Variants in PCNX1 observed in about 807,000 individuals in gnomAD.
The protein encoded by PCNX1 is pecanex-like protein 1.
PCNX1 carries 78 observed loss-of-function variants against 242.2 expected under a neutral mutation model. The observed-to-expected ratio is 0.32, with a 90% CI of 0.27 to 0.39. The LOEUF (loss-of-function observed/expected upper bound fraction) is 0.39. Among genes scored for constraint, PCNX1 ranks in the 10% least tolerant of loss-of-function variants. The pLI is 1.00. For synonymous variants in PCNX1, 1,024 were observed against 1,032.9 expected, an observed-to-expected ratio of 0.99 and a Z score of 0.17; for missense variants, 2,581 against 2,856.5, an observed-to-expected ratio of 0.90 and a Z score of 2.20.
intron 5 of PCNX1, among the ~76,000 whole-genome samples, chr14:70,970,478 C>T (rs936806328): frequency 6.6e-6 from 1 of 152,140 alleles, no homozygotes; most frequent in Non-Finnish European, 1.5e-5. Flanking sequence ...AGATAATAAT[C>T]TCAGAGGGGT....
At chr14:71,034,069 C>T (rs1489327634) in intron 18 of PCNX1, 33 bp downstream of exon 18, 2 of 1,172,396 alleles carry the variant, frequency 1.7e-6, no homozygotes, top group Admixed American at 1.9e-5. Context: ...ACCTAAAAGA[C>T]TTAAATCTTA....
rs1566579992 is a variant in PCNX1, at chr14:70,930,579, CTA to C, written c.154-16334_154-16333del. The stretch of plus-strand genomic sequence containing the variant: ...TACAGATTTTTAAAAAAGATAATAT[CTA>C]TTATTTTTAATTCTATTTATATTAA... On this transcript the variant is annotated intron_variant, in intron 1 of 35. Transcript: ENST00000304743. Among the ~76,000 whole-genome samples the C allele has an allele frequency of 2.6e-5, 4 of 152,078 alleles. No individual in the cohort carries two copies. In the East Asian group the frequency reaches 7.7e-4, roughly 29 times the overall value.
chr14:70,988,521 A>G (rs1300147994), intron 6 of PCNX1, 46 bp from the exon 7 acceptor site: 1 of 1,592,472 alleles, frequency 6.3e-7, no homozygotes, highest in Admixed American at 1.7e-5. Flanking sequence ...TGCTATTTAC[A>G]TCTCTGACCT....
intron 2 of PCNX1, among the ~76,000 whole-genome samples, chr14:70,947,585 C>A (rs1464440721): frequency 6.6e-6 from 1 of 152,108 alleles, no homozygotes; most frequent in Non-Finnish European, 1.5e-5. Context: ...TATGCCTGTC[C>A]TTTAATCTCT....
At chr14:71,041,780 C>CTACTATACTATACTATACTA (rs71105759) in intron 19 of PCNX1, among the ~76,000 whole-genome samples, 317 of 149,282 alleles carry the variant, frequency 2.1e-3, no homozygotes, top group Admixed American at 3.0e-3. Context: ...GCATTTATTG[C>CTACTATACTATACTATACTA]TACTATACTA....
rs1425019641 is a variant in PCNX1, at chr14:71,111,068, C to G, written c.*1133C>G. On this transcript the variant is annotated 3_prime_UTR_variant, in exon 36 of 36. Transcript: ENST00000304743. ...TTTAATAATTTTGCTTTTTATTTTT[C>G]CCCTCTTCTTTTTCTGTTACTTGAA... The G allele has an allele frequency of 2.6e-5, 4 of 152,108 alleles. No individual in the cohort carries two copies. Among genetic ancestry groups the G allele is most frequent in the Non-Finnish European group, 5.9e-5 (4 of 67,920 alleles). The allele number at this position is 152,108 out of a possible 1,614,324, so 9.4% of individuals were successfully genotyped here.
At position 71,045,290 on chromosome 14, in the gene PCNX1, A is replaced by G. The variant is rs199811431; in HGVS notation, c.4018+7A>G. 8.2e-5 allele frequency: 130 copies of G among 1,589,398 alleles called. No individual in the cohort carries two copies. Among genetic ancestry groups the G allele is most frequent in the Non-Finnish European group, 1.1e-4 (125 of 1,167,258 alleles). On this transcript the variant is annotated splice_region_variant and intron_variant, in intron 20 of 35. Coordinates refer to ENST00000304743, the MANE Select transcript of PCNX1 (RefSeq NM_014982.3). ...AATCAGTATGAAGTTCGAAGTAAGT[A>G]TTTCATTAGCACTTTTTCTTTTTAA...
At position 71,057,598 on chromosome 14, in the gene PCNX1, C is replaced by T. The variant is rs1365330651; in HGVS notation, c.4726C>T (p.Arg1576Trp). ...HSLCGDLLLG[R>W]WGNYSTGDCF... is the part of the protein sequence containing the mutation. ...CCTCTGTGGTGATTTGCTACTAGGA[C>T]GGTGGGGAAACTACAGTACAGGGGA... Residue 1576 changes from arginine to tryptophan, a missense_variant, in exon 26 of 36, where the codon CGG (arginine) becomes TGG (tryptophan). Arg to Trp is a moderately radical substitution (Grantham distance 101). Around this residue, in one of 9 missense-constraint regions of PCNX1, gnomAD observed 54 missense variants for 45.3 expected, o/e 1.19. Coordinates refer to ENST00000304743, the MANE Select transcript of PCNX1 (RefSeq NM_014982.3). 7 of 1,613,212 alleles carry T rather than the reference C, an allele frequency of 4.3e-6. No homozygotes were observed. Among genetic ancestry groups the T allele is most frequent in the East Asian group, 2.2e-5 (1 of 44,884 alleles).
chr14:70,988,752 A>G, intron 7 of PCNX1, 53 bp downstream of exon 7: 6 of 1,566,084 alleles, frequency 3.8e-6, no homozygotes, highest in Non-Finnish European at 5.3e-6. Flanking sequence ...AACCCTTCTA[A>G]TCTGTTCCGC....
intron 1 of PCNX1, among the ~76,000 whole-genome samples, chr14:70,921,681 T>A (rs2189806): frequency 0.63 from 96,014 of 151,958 alleles, 30,587 homozygotes; most frequent in South Asian, 0.71. Flanking sequence ...TCAATTTCTG[T>A]ATATGAAGAT....
At chr14:71,109,125 G>A (rs1429328193) in intron 34 of PCNX1, 79 bp downstream of exon 34, 7 of 1,155,508 alleles carry the variant, frequency 6.1e-6, no homozygotes, top group Non-Finnish European at 8.5e-6. Flanking sequence ...ATGAAGGACT[G>A]TTGTGAATAC....
chr14:71,007,766 T>A (rs1243395460), intron 8 of PCNX1, among the ~76,000 whole-genome samples: 1 of 152,282 alleles, frequency 6.6e-6, no homozygotes, highest in African/African-American at 2.4e-5. Flanking sequence ...AAAATTTTTT[T>A]AATTTTAAGT....
intron 28 of PCNX1, 70 bp downstream of exon 28, chr14:71,076,489 G>A: frequency 1.0e-6 from 1 of 963,148 alleles, no homozygotes; most frequent in Admixed American, 2.0e-5. Context: ...GTCCCTGTTA[G>A]TTCTTATGAG....
At chr14:70,979,534 T>C (rs2058776342) in intron 6 of PCNX1, among the ~76,000 whole-genome samples, 1 of 151,542 alleles carries the variant, frequency 6.6e-6, no homozygotes, top group Non-Finnish European at 1.5e-5. Context: ...AGGTCTTTTG[T>C]TGTTAGTACC....
Position 70,946,947 on chromosome 14 carries a change from T to G in PCNX1, c.186T>G (p.Val62=). 3 of 1,613,640 alleles carry G rather than the reference T, an allele frequency of 1.9e-6. No individual in the cohort carries two copies. Among genetic ancestry groups the G allele is most frequent in the Middle Eastern group, 1.7e-4 (1 of 6,058 alleles). Residue 62 remains valine, a synonymous_variant, in exon 2 of 36, where the codon GTT becomes GTG. Coordinates refer to ENST00000304743, the MANE Select transcript of PCNX1 (RefSeq NM_014982.3). The part of the protein sequence containing the change: ...ALPSTMIIVA[V]YCPVIAAVFI... ...CTTCTACCATGATTATAGTAGCAGT[T>G]TATTGTCCTGTGATAGCTGCTGTTT...
intron 7 of PCNX1, among the ~76,000 whole-genome samples, chr14:70,990,210 C>T (rs907524183): frequency 3.2e-4 from 48 of 152,126 alleles, no homozygotes; most frequent in Admixed American, 2.5e-3. Flanking sequence ...ATTCTGGGGG[C>T]TGCCCAGTTC....
At chr14:70,924,692 A>G (rs2056517518) in intron 1 of PCNX1, among the ~76,000 whole-genome samples, 1 of 151,654 alleles carries the variant, frequency 6.6e-6, no homozygotes, top group African/African-American at 2.4e-5. Context: ...GGCTCAGGTG[A>G]CCCTCCCACC....
chr14:71,090,002 A>G (rs917044301), intron 30 of PCNX1, among the ~76,000 whole-genome samples: 2 of 152,218 alleles, frequency 1.3e-5, no homozygotes, highest in African/African-American at 2.4e-5. Context: ...CATGGCCCCC[A>G]TAATACTTAT....
At chr14:71,013,838 A>G (rs1015124178) in intron 11 of PCNX1, among the ~76,000 whole-genome samples, 4 of 152,222 alleles carry the variant, frequency 2.6e-5, no homozygotes, top group African/African-American at 9.6e-5. Flanking sequence ...GAACTGAAGT[A>G]GAGTCCAGCC....
Sources: gnomAD v4.1 joint callset for allele counts (sites outside exome capture counted in the v4.1 genomes callset) on GRCh38, gnomAD v4.1.1 for gene constraint, gnomAD v4.1.1 regional missense constraint, MANE v1.5 for transcripts, NCBI Gene and HGNC (gene_info 2026-07-23, HGNC 2026-07-21) for gene names.